Variants in CNTNAP2 observed in about 807,000 individuals in gnomAD.
The protein encoded by CNTNAP2 is contactin-associated protein-like 2.
In CNTNAP2, 98 loss-of-function variants were observed where a neutral mutation model predicts 155.2. The observed-to-expected ratio is 0.63, with a 90% CI of 0.54 to 0.75. The LOEUF (loss-of-function observed/expected upper bound fraction) is 0.75, where lower values mean the gene tolerates loss of function less well. Ranked by LOEUF, CNTNAP2 falls within the 30% of genes least tolerant of loss-of-function variation. CNTNAP2 has a pLI of 0.00. For synonymous variants in CNTNAP2, 651 were observed against 631.2 expected, an observed-to-expected ratio of 1.03 and a Z score of -0.47; for missense variants, 1,727 against 1,688.1, an observed-to-expected ratio of 1.02 and a Z score of -0.40.
intron 8 of CNTNAP2, among the ~76,000 whole-genome samples, chr7:147,244,917 A>G (rs369762717): frequency 6.6e-6 from 1 of 152,172 alleles, no homozygotes; most frequent in Admixed American, 6.5e-5. Flanking sequence ...ATGAGTCCAC[A>G]ACATTAAAAA....
intron 13 of CNTNAP2, among the ~76,000 whole-genome samples, chr7:147,787,565 G>A (rs79862030): frequency 0.031 from 4,669 of 152,220 alleles, 219 homozygotes; most frequent in African/African-American, 0.1. Context: ...GCCTAGAGCT[G>A]TACTTTAACA....
intron 1 of CNTNAP2, among the ~76,000 whole-genome samples, chr7:146,599,872 T>A (rs1798923690): frequency 6.6e-6 from 1 of 152,080 alleles, no homozygotes; most frequent in African/African-American, 2.4e-5. Context: ...CTTAAGAAAT[T>A]AATTATGTAC....
At chr7:146,185,781 A>G (rs1392735752) in intron 1 of CNTNAP2, among the ~76,000 whole-genome samples, 38 of 98,492 alleles carry the variant, frequency 3.9e-4, no homozygotes, top group African/African-American at 1.8e-3. Context: ...TTTTTTTTGT[A>G]GAACACACCG....
At chr7:147,482,848 C>A (rs1584762066) in intron 10 of CNTNAP2, among the ~76,000 whole-genome samples, 1 of 152,084 alleles carries the variant, frequency 6.6e-6, no homozygotes, top group South Asian at 2.1e-4. Context: ...GAGTTCGGCA[C>A]CAGCCTGACC....
At chr7:146,692,580 G>T (rs1800716197) in intron 1 of CNTNAP2, among the ~76,000 whole-genome samples, 1 of 152,114 alleles carries the variant, frequency 6.6e-6, no homozygotes, top group Admixed American at 6.6e-5. Flanking sequence ...GGTTAACAAA[G>T]AATTAAAATA....
At chr7:146,428,555 G>T (rs1796126584) in intron 1 of CNTNAP2, among the ~76,000 whole-genome samples, 1 of 151,574 alleles carries the variant, frequency 6.6e-6, no homozygotes, top group South Asian at 2.1e-4. Flanking sequence ...CTCTGGAGAA[G>T]TATCTGTTTA....
At chr7:146,931,264 A>G (rs1796750221) in intron 3 of CNTNAP2, among the ~76,000 whole-genome samples, 1 of 152,188 alleles carries the variant, frequency 6.6e-6, no homozygotes, top group African/African-American at 2.4e-5. Context: ...ATCAAACCAG[A>G]AATCAGGATT....
At chr7:148,051,011 A>G (rs1310801397) in intron 15 of CNTNAP2, among the ~76,000 whole-genome samples, 2 of 152,332 alleles carry the variant, frequency 1.3e-5, no homozygotes, top group East Asian at 1.9e-4. Flanking sequence ...CACACTCCTC[A>G]GAATACATCT....
Position 148,334,612 on chromosome 7 carries a change from A to G in CNTNAP2, c.3476-49037A>G, listed in dbSNP as rs139558235. 4.3e-3 allele frequency among the ~76,000 whole-genome samples: 659 copies of G among 152,310 alleles called. 8 individuals carry two copies. Among genetic ancestry groups the G allele is most frequent in the African/African-American group, 0.015 (624 of 41,566 alleles). ...AGCCCCATCTGGTTGTGCAGGAACC[A>G]CAGGCTGCACTAGCTGCTTTAGTTG... On this transcript the variant is annotated intron_variant, in intron 21 of 23. Coordinates refer to ENST00000361727, the MANE Select transcript of CNTNAP2 (RefSeq NM_014141.6).
intron 15 of CNTNAP2, among the ~76,000 whole-genome samples, chr7:148,000,344 T>C (rs1801874746): frequency 6.6e-6 from 1 of 152,180 alleles, no homozygotes; most frequent in East Asian, 1.9e-4. Context: ...GGGATGATGT[T>C]GACAGCTATG....
At chr7:146,308,844 G>C (rs2129090121) in intron 1 of CNTNAP2, among the ~76,000 whole-genome samples, 1 of 152,190 alleles carries the variant, frequency 6.6e-6, no homozygotes, top group South Asian at 2.1e-4. Context: ...GGGAGACGGG[G>C]GAGGGATAGC....
rs375372448 is a variant in CNTNAP2 at position 147,799,546 on chromosome 7, T to TA, written c.2099-104011dup. ...GCATTGTAAAAATGTATATTAAATT[T>TA]AAAAAAAAGGCAAGAAATCTTTTTC... On this transcript the variant is annotated intron_variant, in intron 13 of 23. Transcript: ENST00000361727. Among the ~76,000 whole-genome samples the TA allele has an allele frequency of 7.0e-4, 107 of 151,972 alleles. 1 individual carries two copies. The highest frequency in any genetic ancestry group is 1.9e-3 in the African/African-American group (77 of 41,466).
chr7:147,264,827 T>C (rs1369872456), intron 8 of CNTNAP2, among the ~76,000 whole-genome samples: 1 of 152,074 alleles, frequency 6.6e-6, no homozygotes, highest in Non-Finnish European at 1.5e-5. Flanking sequence ...ATTTACTGTT[T>C]TCCTAAACAG....
At chr7:147,397,407 G>A (rs1229714950) in intron 10 of CNTNAP2, among the ~76,000 whole-genome samples, 2 of 151,912 alleles carry the variant, frequency 1.3e-5, no homozygotes, top group East Asian at 3.8e-4. Flanking sequence ...CTTCATAATA[G>A]TTATGGAGTT....
chr7:147,522,112 G>A (rs1283029634), intron 11 of CNTNAP2, among the ~76,000 whole-genome samples: 2 of 152,212 alleles, frequency 1.3e-5, no homozygotes, highest in Non-Finnish European at 2.9e-5. Context: ...AGGGGCACAA[G>A]GAGTATCTCT....
chr7:146,264,593 G>A (rs1036248692), intron 1 of CNTNAP2, among the ~76,000 whole-genome samples: 7 of 152,120 alleles, frequency 4.6e-5, no homozygotes, highest in Admixed American at 2.0e-4. Flanking sequence ...CAATCCAAAC[G>A]TTGACAATGA....
At chr7:147,270,987 G>A (rs188082069) in intron 8 of CNTNAP2, among the ~76,000 whole-genome samples, 11 of 152,164 alleles carry the variant, frequency 7.2e-5, no homozygotes, top group African/African-American at 1.2e-4. Flanking sequence ...AACTAGAGCC[G>A]CTTTTTATAC....
chr7:146,932,183 C>G (rs193135902), intron 3 of CNTNAP2, among the ~76,000 whole-genome samples: 2 of 152,116 alleles, frequency 1.3e-5, no homozygotes, highest in Non-Finnish European at 2.9e-5. Flanking sequence ...ATGCAAAAAT[C>G]CTCAAAAAAA....
intron 3 of CNTNAP2, among the ~76,000 whole-genome samples, chr7:147,041,861 G>A (rs1170966680): frequency 2.6e-5 from 4 of 152,016 alleles, no homozygotes; most frequent in African/African-American, 9.7e-5. Flanking sequence ...CATAAATTTT[G>A]GATTAACCCA....
Sources: allele counts gnomAD v4.1 joint callset (sites outside exome capture counted in the v4.1 genomes callset), GRCh38; gene constraint gnomAD v4.1.1; transcripts MANE v1.5; gene names NCBI Gene and HGNC (gene_info 2026-07-23, HGNC 2026-07-21).